Variants in RNF149 observed in about 807,000 individuals in gnomAD.
The protein encoded by RNF149 is ring finger protein 149, also known as E3 ubiquitin-protein ligase RNF149.
A neutral mutation model predicts 39.0 loss-of-function variants in RNF149; 21 were observed. The observed-to-expected ratio is 0.54, with a 90% CI of 0.38 to 0.77. The LOEUF is 0.77. RNF149 is among the 30% of genes least tolerant of loss of function. RNF149 has a pLI of 0.00. For missense variants in RNF149, 493 were observed against 534.9 expected (o/e 0.92, Z 0.77); for synonymous variants, 209 against 213.6 (o/e 0.98, Z 0.19).
chr2:101,289,116 C>G, intron 3 of RNF149, 61 bp from the exon 4 acceptor site: 1 of 908,416 alleles, frequency 1.1e-6, no homozygotes, highest in South Asian at 1.4e-5. Flanking sequence ...CCTTGGTAAA[C>G]TCACTACATC....
At chr2:101,280,201 A>AATAATAATAATAATG (rs70943072) in intron 6 of RNF149, among the ~76,000 whole-genome samples, 21 of 146,582 alleles carry the variant, frequency 1.4e-4, no homozygotes, top group South Asian at 2.1e-4. Flanking sequence ...TAATAATAAT[A>AATAATAATAATAATG]ATGATGATGA....
At chr2:101,307,104 A>T (rs1361179324) in intron 1 of RNF149, among the ~76,000 whole-genome samples, 1 of 152,250 alleles carries the variant, frequency 6.6e-6, no homozygotes, top group East Asian at 1.9e-4. Flanking sequence ...TAAGACTTAA[A>T]CTATGACTAC....
intron 5 of RNF149, among the ~76,000 whole-genome samples, chr2:101,284,263 G>A (rs1348928458): frequency 2.6e-5 from 4 of 152,146 alleles, no homozygotes; most frequent in African/African-American, 4.8e-5. Flanking sequence ...GAGTGAAGGC[G>A]TTCTGGAACT....
rs575653921 is a variant in RNF149, at chr2:101,307,132, T to A, written c.460+997A>T. On this transcript the variant is annotated intron_variant, in intron 1 of 6. Coordinates refer to ENST00000295317, the MANE Select transcript of RNF149 (RefSeq NM_173647.4). ...ATGACTACTGCCTGAAGATACAACC[T>A]GCTGCCCTAGGGAATGGTATGTGTA... Among the ~76,000 whole-genome samples, 5 of 152,242 alleles carry A rather than the reference T, an allele frequency of 3.3e-5. No homozygotes were observed. In the South Asian group the frequency reaches 1.0e-3, roughly 32 times the overall value.
At chr2:101,272,631 T>C (rs1003701737), downstream of RNF149, among the ~76,000 whole-genome samples, 2 of 152,240 alleles carry the variant, frequency 1.3e-5, no homozygotes, top group Non-Finnish European at 2.9e-5. Context: ...GTAGGGTTTA[T>C]ACCAAGCCCA....
intron 3 of RNF149, 100 bp downstream of exon 3, chr2:101,293,914 A>G: frequency 1.5e-6 from 1 of 680,164 alleles, no homozygotes; most frequent in South Asian, 2.0e-5. Flanking sequence ...GGCCCTTCTC[A>G]ATGACAAAAT....
chr2:101,300,351 G>A (rs550764003), intron 1 of RNF149, among the ~76,000 whole-genome samples: 1 of 152,036 alleles, frequency 6.6e-6, no homozygotes, highest in African/African-American at 2.4e-5. Context: ...GATTTAAAAG[G>A]TTCTTTAACA....
chr2:101,277,744 A>G (rs1204140566), intron 6 of RNF149, among the ~76,000 whole-genome samples: 1 of 152,220 alleles, frequency 6.6e-6, no homozygotes, highest in Non-Finnish European at 1.5e-5. Context: ...TTCCACTGAT[A>G]GCCAACAAGA....
At position 101,308,470 on chromosome 2, in the gene RNF149, G is replaced by A. The variant is rs1683772794; in HGVS notation, c.119C>T (p.Ala40Val). The A allele has an allele frequency of 2.5e-6, 4 of 1,611,246 alleles. No homozygotes were observed. The highest frequency in any genetic ancestry group is 2.2e-5 in the East Asian group (1 of 44,804). ...GTCCACGTACTCGATGTTTACCACGGCCGAGAACCACTCGAGAGCCCGGCC... is the reference window on the plus strand; with the variant it reads ...GTCCACGTACTCGATGTTTACCACGACCGAGAACCACTCGAGAGCCCGGCC... ...ARGRALEWFS[A>V]VVNIEYVDPQ... The change falls in exon 1 of 7, where the codon GCC (alanine) becomes GTC (valine). Residue 40 changes from alanine to valine, a missense_variant. Coordinates refer to ENST00000295317, the MANE Select transcript of RNF149 (RefSeq NM_173647.4).
In RNF149 at chr2:101,275,893, G is replaced by T; in HGVS notation, c.*1345C>A. ...GAGGTTGTCTGCTAAAACCAACTCA[G>T]TGTGCAAAGCGAAATACATTTTCTA... On this transcript the variant is annotated 3_prime_UTR_variant, in exon 7 of 7. Coordinates refer to ENST00000295317, the MANE Select transcript of RNF149 (RefSeq NM_173647.4). 1.0e-6 allele frequency: 1 copy of T among 985,304 alleles called. No individual in the cohort carries two copies. Among genetic ancestry groups the T allele is most frequent in the Non-Finnish European group, 1.2e-6 (1 of 829,856 alleles). The allele number at this position is 985,304 out of a possible 1,614,324, so 61.0% of individuals were successfully genotyped here. A position where few individuals can be genotyped will look rare whatever the true frequency, so the allele number is the denominator to read the frequency against.
chr2:101,288,479 A>G (rs1230901990), intron 4 of RNF149, among the ~76,000 whole-genome samples: 1 of 151,928 alleles, frequency 6.6e-6, no homozygotes, highest in Non-Finnish European at 1.5e-5. Context: ...TCAGCCTCCC[A>G]AAGTGCTGGG....
At chr2:101,296,338 C>T (rs756897554) in intron 1 of RNF149, among the ~76,000 whole-genome samples, 2 of 151,824 alleles carry the variant, frequency 1.3e-5, no homozygotes, top group African/African-American at 2.4e-5. Context: ...TATTTAGCTA[C>T]AAATTAATGC....
In RNF149 at chr2:101,275,874, G is replaced by C. The variant is rs1258718607; in HGVS notation, c.*1364C>G. ...CTGTTATGGAAACCTACTTGAGGTT[G>C]TCTGCTAAAACCAACTCAGTGTGCA... On this transcript the variant is annotated 3_prime_UTR_variant, in exon 7 of 7. Transcript: ENST00000295317. 6.1e-6 allele frequency: 6 copies of C among 984,952 alleles called. No individual in the cohort carries two copies. Among genetic ancestry groups the C allele is most frequent in the Non-Finnish European group, 7.2e-6 (6 of 829,654 alleles). 61.0% of individuals were successfully genotyped at this position (984,952 alleles called of 1,614,324 possible).
intron 1 of RNF149, among the ~76,000 whole-genome samples, chr2:101,298,855 T>C (rs1396152558): frequency 6.6e-6 from 1 of 152,136 alleles, no homozygotes; most frequent in East Asian, 1.9e-4. Context: ...ATATTAGCTA[T>C]TCAAAAAATA....
chr2:101,296,469 T>C (rs1291311312), intron 1 of RNF149, among the ~76,000 whole-genome samples: 3 of 152,102 alleles, frequency 2.0e-5, no homozygotes, highest in African/African-American at 7.2e-5. Context: ...GACTGGTCTT[T>C]AGAGTTAAAG....
At chr2:101,292,248 T>C (rs1247065091) in intron 3 of RNF149, among the ~76,000 whole-genome samples, 1 of 152,206 alleles carries the variant, frequency 6.6e-6, no homozygotes, top group South Asian at 2.1e-4. Flanking sequence ...ATATACCTCA[T>C]GGGTCATTTA....
intron 3 of RNF149, among the ~76,000 whole-genome samples, chr2:101,291,969 T>C (rs911947993): frequency 6.6e-6 from 1 of 152,228 alleles, no homozygotes; most frequent in African/African-American, 2.4e-5. Context: ...ATGCATTTAA[T>C]GTACCTAACC....
intron 5 of RNF149, among the ~76,000 whole-genome samples, chr2:101,282,841 C>T (rs984007741): frequency 9.9e-5 from 15 of 152,118 alleles, no homozygotes; most frequent in South Asian, 8.3e-4. Flanking sequence ...CTCCACTGGG[C>T]TGTGCCCCCC....
chr2:101,285,422 G>A (rs904832363), intron 5 of RNF149, among the ~76,000 whole-genome samples: 16 of 152,144 alleles, frequency 1.1e-4, no homozygotes, highest in African/African-American at 3.6e-4. Flanking sequence ...GAGTTATTTA[G>A]CTTCTCTAAG....
Sources: gnomAD v4.1 joint callset for allele counts (sites outside exome capture counted in the v4.1 genomes callset) on GRCh38, gnomAD v4.1.1 for gene constraint, MANE v1.5 for transcripts, NCBI Gene and HGNC (gene_info 2026-07-23, HGNC 2026-07-21) for gene names.